Variants in DLGAP1 observed in about 807,000 individuals in gnomAD.
DLGAP1 encodes the protein disks large-associated protein 1.
Under a neutral mutation model 90.8 loss-of-function variants are expected in DLGAP1, and 11 were observed. The observed-to-expected ratio is 0.12, with a 90% CI of 0.08 to 0.20. DLGAP1 has a LOEUF of 0.20. DLGAP1 is among the 10% of genes least tolerant of loss of function. DLGAP1 has a pLI of 1.00. For missense variants in DLGAP1, 1,050 were observed against 1,333.8 expected, an observed-to-expected ratio of 0.79 and a Z score of 3.31; for synonymous variants, 558 against 540.7, an observed-to-expected ratio of 1.03 and a Z score of -0.44.
chr18:3,911,578 G>T (rs1640151110), intron 3 of DLGAP1, among the ~76,000 whole-genome samples: 1 of 152,088 alleles, frequency 6.6e-6, no homozygotes, highest in Admixed American at 6.6e-5. Context: ...CTCATTGTGG[G>T]GTGTGTGGTG....
intron 5 of DLGAP1, among the ~76,000 whole-genome samples, chr18:3,789,636 G>A (rs1472173190): frequency 6.6e-6 from 1 of 152,208 alleles, no homozygotes; most frequent in Non-Finnish European, 1.5e-5. Flanking sequence ...AGAGAGCAAA[G>A]AGAGAGGGGC....
chr18:3,619,134 T>C (rs534938227), intron 7 of DLGAP1, among the ~76,000 whole-genome samples: 2 of 152,236 alleles, frequency 1.3e-5, no homozygotes, highest in East Asian at 3.9e-4. Flanking sequence ...GATCTTGGTC[T>C]CCCAGCTTCC....
intron 12 of DLGAP1, among the ~76,000 whole-genome samples, chr18:3,501,640 T>C (rs2049939056): frequency 6.6e-6 from 1 of 152,162 alleles, no homozygotes; most frequent in Non-Finnish European, 1.5e-5. Flanking sequence ...TGAGGGGACC[T>C]GAAAAGAACA....
intron 1 of DLGAP1, among the ~76,000 whole-genome samples, chr18:4,343,907 A>G (rs2143889142): frequency 6.6e-6 from 1 of 152,290 alleles, no homozygotes; most frequent in East Asian, 1.9e-4. Flanking sequence ...TTATAAAAGA[A>G]CTTGTCCTTG....
chr18:3,549,269 T>C (rs1395384491), intron 9 of DLGAP1, among the ~76,000 whole-genome samples: 1 of 151,986 alleles, frequency 6.6e-6, no homozygotes, highest in East Asian at 1.9e-4. Context: ...TGTCTGTCCT[T>C]AGGAATGCTG....
chr18:3,919,484 G>A (rs1008380102), intron 3 of DLGAP1, among the ~76,000 whole-genome samples: 1 of 152,152 alleles, frequency 6.6e-6, no homozygotes, highest in Admixed American at 6.5e-5. Context: ...AGGGAGCTAC[G>A]GATGATTTTT....
chr18:3,565,970 C>T lies in DLGAP1; in HGVS notation c.2057+1520G>A, dbSNP rs1266399622. Among the ~76,000 whole-genome samples the T allele has an allele frequency of 6.6e-6, 1 of 152,152 alleles. No individual in the cohort carries two copies. Among genetic ancestry groups the T allele is most frequent in the African/African-American group, 2.4e-5 (1 of 41,428 alleles). On this transcript the variant is annotated intron_variant, in intron 9 of 12. Transcript: ENST00000315677. The surrounding 1 kb of genome is among the most constrained non-coding windows in gnomAD (Gnocchi z 4.0). ...CAGTCCTTGTCCATCTGCATGAACACTATGCGTGGATATTATATATTAAAG... is the reference window on the plus strand; with the variant it reads ...CAGTCCTTGTCCATCTGCATGAACATTATGCGTGGATATTATATATTAAAG...
chr18:3,643,798 T>C (rs1165827850), intron 7 of DLGAP1, among the ~76,000 whole-genome samples: 1 of 151,972 alleles, frequency 6.6e-6, no homozygotes, highest in Non-Finnish European at 1.5e-5. Context: ...AAAAGTTTGA[T>C]GAAAGAGTAC....
chr18:4,361,952 T>C (rs148696733), intron 1 of DLGAP1, among the ~76,000 whole-genome samples: 86 of 152,210 alleles, frequency 5.7e-4, no homozygotes, highest in South Asian at 2.1e-3. Flanking sequence ...CCAAGGAAGA[T>C]ATACGCATGG....
Position 4,139,934 on chromosome 18 carries a change from T to A in DLGAP1, c.-159+11246A>T, listed in dbSNP as rs944972269. On this transcript the variant is annotated intron_variant, in intron 2 of 12. Transcript: ENST00000315677. ...GATATAACTATAGCTACTCCTGTAC[T>A]TTTTTAGATTCCATTTGCATGGAAT... is the stretch of plus-strand genomic sequence containing the variant. Among the ~76,000 whole-genome samples, 5 of 152,018 alleles carry A rather than the reference T, an allele frequency of 3.3e-5. No homozygotes were observed. In the East Asian group the frequency reaches 9.6e-4, roughly 29 times the overall value.
chr18:3,705,061 T>C (rs561066966), intron 7 of DLGAP1, among the ~76,000 whole-genome samples: 1 of 152,302 alleles, frequency 6.6e-6, no homozygotes, highest in African/African-American at 2.4e-5. Flanking sequence ...ATTTCTGTAG[T>C]TCAGTTCACA....
At chr18:3,600,767 T>G (rs367813392) in intron 7 of DLGAP1, among the ~76,000 whole-genome samples, 6,306 of 35,070 alleles carry the variant, frequency 0.18, 1,258 homozygotes, top group Non-Finnish European at 0.19. Context: ...GATATATAGA[T>G]ATATATAGAT....
chr18:4,367,277 A>C (rs2081797300), intron 1 of DLGAP1, among the ~76,000 whole-genome samples: 2 of 151,888 alleles, frequency 1.3e-5, no homozygotes, highest in African/African-American at 4.8e-5. Context: ...TCGTTTTCAG[A>C]ATTATTTGAA....
At chr18:4,161,415 A>C (rs1488418091) in intron 1 of DLGAP1, among the ~76,000 whole-genome samples, 1 of 152,162 alleles carries the variant, frequency 6.6e-6, no homozygotes, top group African/African-American at 2.4e-5. Context: ...CCTGTAAAGG[A>C]CATGATCTCA....
intron 1 of DLGAP1, among the ~76,000 whole-genome samples, chr18:4,333,625 T>A (rs929159870): frequency 5.5e-5 from 8 of 146,536 alleles, no homozygotes; most frequent in Non-Finnish European, 1.1e-4. Context: ...TATATATAAT[T>A]TTTTTTTTTT....
chr18:3,787,480 C>CAAAAAAAAA, intron 5 of DLGAP1, among the ~76,000 whole-genome samples: 1 of 63,778 alleles, frequency 1.6e-5, no homozygotes, highest in Non-Finnish European at 2.7e-5. Flanking sequence ...AACTCCATCT[C>CAAAAAAAAA]AAAAAAAAAA....
At chr18:3,900,276 G>A (rs1333033177) in intron 3 of DLGAP1, among the ~76,000 whole-genome samples, 1 of 152,194 alleles carries the variant, frequency 6.6e-6, no homozygotes, top group African/African-American at 2.4e-5. Flanking sequence ...TGAGGTAACT[G>A]ATGACAATTC....
rs921982904 is a variant in DLGAP1 at position 3,765,117 on chromosome 18, C to CTTTTTTTTTTTTTTTTTTTTTTTTTTTT, written c.1173-22606_1173-22605insAAAAAAAAAAAAAAAAAAAAAAAAAAAA. Among the ~76,000 whole-genome samples the CTTTTTTTTTTTTTTTTTTTTTTTTTTTT allele has an allele frequency of 1.6e-5, 2 of 126,414 alleles. 1 individual carries two copies. The highest frequency in any genetic ancestry group is 3.2e-5 in the Non-Finnish European group (2 of 62,164). The allele number at this position is 126,414 out of a possible 152,430, so 82.9% of individuals were successfully genotyped here. A position where few individuals can be genotyped will look rare whatever the true frequency, so the allele number is the denominator to read the frequency against. On this transcript the variant is annotated intron_variant, in intron 5 of 12. Coordinates refer to ENST00000315677, the MANE Select transcript of DLGAP1 (RefSeq NM_004746.4). ...CAGAATCTCCATGCACACTTGCAAA[C>CTTTTTTTTTTTTTTTTTTTTTTTTTTTT]TTTTTTTTTTTTCTTTTTTTTTTTT...
chr18:3,497,076 T>TA lies in DLGAP1; in HGVS notation c.*2108dup, dbSNP rs1162040733. Reference sequence around the variant, plus strand: ...AACTCTACCTCAGGGCACGGAGCTGTAATTGTGAGCATGGGTCTTGGGATG... The same window carrying TA: ...AACTCTACCTCAGGGCACGGAGCTGTAAATTGTGAGCATGGGTCTTGGGATG... On this transcript the variant is annotated 3_prime_UTR_variant, in exon 13 of 13. Transcript: ENST00000315677. The TA allele has an allele frequency of 6.6e-6, 1 of 152,182 alleles. No homozygotes were observed. Among genetic ancestry groups the TA allele is most frequent in the Non-Finnish European group, 1.5e-5 (1 of 68,034 alleles). The allele number at this position is 152,182 out of a possible 1,614,324, so 9.4% of individuals were successfully genotyped here.
Sources: allele counts gnomAD v4.1 joint callset (sites outside exome capture counted in the v4.1 genomes callset), GRCh38; gene constraint gnomAD v4.1.1; non-coding constraint Gnocchi (gnomAD v3.1); transcripts MANE v1.5; gene names NCBI Gene and HGNC (gene_info 2026-07-23, HGNC 2026-07-21).